Variants in GUCY1A2 observed in about 807,000 individuals in gnomAD.
GUCY1A2 encodes the protein guanylate cyclase soluble subunit alpha-2.
In GUCY1A2, 27 loss-of-function variants were observed where a neutral mutation model predicts 63.5. The ratio of observed to expected loss-of-function variants is 0.43; its 90% CI spans 0.31 to 0.59. The LOEUF (loss-of-function observed/expected upper bound fraction) is 0.59, where lower values mean the gene tolerates loss of function less well. Ranked by LOEUF, GUCY1A2 falls within the 20% of genes least tolerant of loss-of-function variation. The pLI is 0.11. For missense variants in GUCY1A2, 768 were observed against 913.3 expected, an observed-to-expected ratio of 0.84 and a Z score of 2.05; for synonymous variants, 364 against 343.5, an observed-to-expected ratio of 1.06 and a Z score of -0.66.
chr11:106,975,147 G>A (rs1861245514), intron 3 of GUCY1A2, among the ~76,000 whole-genome samples: 1 of 151,960 alleles, frequency 6.6e-6, no homozygotes, highest in East Asian at 1.9e-4. Context: ...TATGACAAAG[G>A]AGACTATGCA....
rs142117065 is a variant in GUCY1A2, at chr11:106,753,717, T to A, written c.1836+22722A>T. The stretch of plus-strand genomic sequence containing the variant: ...CTGTTCTGTTCCATTGGTCTATACA[T>A]CTGTTTTGCTACCAGTACCATGCTG... On this transcript the variant is annotated intron_variant, in intron 6 of 7. Coordinates refer to ENST00000526355, the MANE Select transcript of GUCY1A2 (RefSeq NM_000855.3). Among the ~76,000 whole-genome samples the A allele has an allele frequency of 7.6e-3, 1,150 of 152,310 alleles. 66 individuals are homozygous for A. The East Asian group carries it at 0.13, about 17-fold the overall frequency.
At chr11:106,984,849 A>G (rs1449830069) in intron 2 of GUCY1A2, among the ~76,000 whole-genome samples, 1 of 152,182 alleles carries the variant, frequency 6.6e-6, no homozygotes, top group East Asian at 1.9e-4. Flanking sequence ...ATTAGGATAA[A>G]CCATTTTAAA....
At position 106,937,616 on chromosome 11, in the gene GUCY1A2, A is replaced by G. The variant is rs530521053; in HGVS notation, c.1206+1844T>C. Among the ~76,000 whole-genome samples, 7 of 152,326 alleles carry G rather than the reference A, an allele frequency of 4.6e-5. No homozygotes were observed. In the South Asian group the frequency reaches 1.4e-3, roughly 32 times the overall value. ...TTTGATATTCCCTAAATTAAAGAGAAAGAATAACTCGTTTTAAAGCATCTA... is the reference window on the plus strand; with the variant it reads ...TTTGATATTCCCTAAATTAAAGAGAGAGAATAACTCGTTTTAAAGCATCTA... On this transcript the variant is annotated intron_variant, in intron 4 of 7. Transcript: ENST00000526355.
intron 5 of GUCY1A2, among the ~76,000 whole-genome samples, chr11:106,794,849 A>G (rs1055092712): frequency 2.0e-5 from 3 of 152,206 alleles, no homozygotes; most frequent in Non-Finnish European, 4.4e-5. Flanking sequence ...TACCTAGCAC[A>G]TATTAGGCAT....
intron 6 of GUCY1A2, among the ~76,000 whole-genome samples, chr11:106,714,491 A>C (rs1863182581): frequency 6.6e-6 from 1 of 152,200 alleles, no homozygotes; most frequent in East Asian, 1.9e-4. Context: ...CCTCATTCAG[A>C]ATGTGCCAAG....
At chr11:106,978,479 C>T (rs377178835) in intron 3 of GUCY1A2, 140 bp downstream of exon 3, 6 of 559,318 alleles carry the variant, frequency 1.1e-5, no homozygotes, top group Admixed American at 1.0e-4. Flanking sequence ...GGAGAGTTAA[C>T]ACCCATCACT....
chr11:106,813,224 A>G (rs1271687839), intron 4 of GUCY1A2, among the ~76,000 whole-genome samples: 1 of 152,018 alleles, frequency 6.6e-6, no homozygotes. Flanking sequence ...AAATTGTCAT[A>G]ACATTTGTCA....
chr11:106,995,282 A>G (rs2604968), intron 1 of GUCY1A2, among the ~76,000 whole-genome samples: 37,942 of 152,132 alleles, frequency 0.25, 5,361 homozygotes, highest in Non-Finnish European at 0.32. Flanking sequence ...TAATCTTACA[A>G]GAGAGTCAGA....
chr11:106,926,712 G>C (rs975968665), intron 4 of GUCY1A2, among the ~76,000 whole-genome samples: 1 of 151,778 alleles, frequency 6.6e-6, no homozygotes, highest in Admixed American at 6.6e-5. Context: ...CCCATAAACC[G>C]AGTATCGGCA....
At chr11:106,981,908 C>A (rs2510597) in intron 2 of GUCY1A2, among the ~76,000 whole-genome samples, 37,063 of 151,902 alleles carry the variant, frequency 0.24, 4,947 homozygotes, top group East Asian at 0.5. Context: ...GAAGACAATC[C>A]ACAAAAGTTG....
intron 4 of GUCY1A2, among the ~76,000 whole-genome samples, chr11:106,828,390 G>A (rs180975092): frequency 1.5e-4 from 23 of 152,150 alleles, no homozygotes; most frequent in Middle Eastern, 3.4e-3. Flanking sequence ...TGAGAGATAG[G>A]AGTTCAGTTG....
At chr11:106,809,240 C>A (rs952436763) in intron 5 of GUCY1A2, among the ~76,000 whole-genome samples, 1 of 152,054 alleles carries the variant, frequency 6.6e-6, no homozygotes, top group Non-Finnish European at 1.5e-5. Flanking sequence ...GTACTTGATT[C>A]CCTTCATATA....
chr11:106,752,506 C>T (rs1487769573), intron 6 of GUCY1A2, among the ~76,000 whole-genome samples: 4 of 152,080 alleles, frequency 2.6e-5, no homozygotes, highest in Admixed American at 2.0e-4. Flanking sequence ...TGCTATCCTT[C>T]CCCCAAGCCC....
At chr11:106,746,570 G>T (rs372247326) in intron 6 of GUCY1A2, 4 of 1,591,504 alleles carry the variant, frequency 2.5e-6, no homozygotes, top group Non-Finnish European at 3.4e-6. Flanking sequence ...ACCCAAATCC[G>T]TTTCACTTTG....
At position 106,730,169 on chromosome 11, in the gene GUCY1A2, T is replaced by C. The variant is rs572636760; in HGVS notation, c.1837-21503A>G. 1.2e-3 allele frequency among the ~76,000 whole-genome samples: 175 copies of C among 149,664 alleles called. 1 individual carries two copies. The highest frequency in any genetic ancestry group is 4.1e-3 in the African/African-American group (166 of 40,906). ...CCTAAAAGTGTGCAGGTTTGTTATA[T>C]AGGTAAATTGCATGTCACGGGTGTT... On this transcript the variant is annotated intron_variant, in intron 6 of 7. Coordinates refer to ENST00000526355, the MANE Select transcript of GUCY1A2 (RefSeq NM_000855.3).
At chr11:106,870,076 A>G (rs1482592586) in intron 4 of GUCY1A2, among the ~76,000 whole-genome samples, 1 of 121,188 alleles carries the variant, frequency 8.3e-6, no homozygotes, top group East Asian at 2.8e-4. Flanking sequence ...GGACACAGGA[A>G]GGGGAACATC....
intron 3 of GUCY1A2, among the ~76,000 whole-genome samples, chr11:106,957,879 T>A (rs1861009311): frequency 1.0e-5 from 1 of 100,230 alleles, no homozygotes; most frequent in Non-Finnish European, 2.1e-5. Context: ...TTTTTTTTTT[T>A]TTTTTTTTTT....
At chr11:106,742,585 T>C (rs1863713787) in intron 6 of GUCY1A2, among the ~76,000 whole-genome samples, 1 of 152,232 alleles carries the variant, frequency 6.6e-6, no homozygotes, top group East Asian at 1.9e-4. Flanking sequence ...TTATCCAGCC[T>C]ATCAATGATG....
At chr11:106,860,698 T>A (rs1381092413) in intron 4 of GUCY1A2, among the ~76,000 whole-genome samples, 1 of 152,024 alleles carries the variant, frequency 6.6e-6, no homozygotes, top group East Asian at 1.9e-4. Flanking sequence ...CTATACATAC[T>A]TGGCTGAGTT....
Sources: gnomAD v4.1 joint callset for allele counts (sites outside exome capture counted in the v4.1 genomes callset) on GRCh38, gnomAD v4.1.1 for gene constraint, MANE v1.5 for transcripts, NCBI Gene and HGNC (gene_info 2026-07-23, HGNC 2026-07-21) for gene names.